SIGLEC6: variants seen among roughly 807,000 people sequenced by gnomAD.
SIGLEC6 encodes sialic acid binding Ig like lectin 6.
SIGLEC6 carries 31 observed loss-of-function variants against 41.4 expected under a neutral mutation model. That is an observed-to-expected ratio of 0.75 (90% confidence interval 0.56 to 1.01). The LOEUF is 1.01. Among genes scored for constraint, SIGLEC6 ranks in the 50% least tolerant of loss-of-function variants. The pLI is 0.00. For missense variants in SIGLEC6, 555 were observed against 558.6 expected (o/e 0.99, Z 0.06); for synonymous variants, 217 against 231.0 (o/e 0.94, Z 0.55).
rs989007163 is a variant in SIGLEC6 at position 51,519,730 on chromosome 19, G to A, written c.*352C>T. The A allele has an allele frequency of 6.4e-6, 1 of 156,326 alleles. No homozygotes were observed. Among genetic ancestry groups the A allele is most frequent in the Non-Finnish European group, 1.4e-5 (1 of 71,006 alleles). 9.7% of individuals were successfully genotyped at this position (156,326 alleles called of 1,614,324 possible). On this transcript the variant is annotated 3_prime_UTR_variant, in exon 8 of 8. Coordinates refer to ENST00000425629, the MANE Select transcript of SIGLEC6 (RefSeq NM_001245.7). Reference sequence around the variant, plus strand: ...AATATCTCAGAAGGTTACTGTATTTGGAGGGTCTTTAAATAGTTAATTTAT... The same window carrying A: ...AATATCTCAGAAGGTTACTGTATTTAGAGGGTCTTTAAATAGTTAATTTAT...
chr19:51,528,112 C>T, intron 6 of SIGLEC6, 48 bp downstream of exon 6: 1 of 1,519,448 alleles, frequency 6.6e-7, no homozygotes, highest in East Asian at 2.2e-5. Flanking sequence ...CACCTGTGTG[C>T]CCTTCCCACA....
Position 51,531,166 on chromosome 19 carries a change from C to T in SIGLEC6, c.421G>A (p.Val141Met). 2 of 1,582,870 alleles carry T rather than the reference C, an allele frequency of 1.3e-6. No homozygotes were observed. Among genetic ancestry groups the T allele is most frequent in the South Asian group, 2.4e-5 (2 of 85,062 alleles). The change falls in exon 2 of 8, where the codon GTG becomes ATG. Residue 141 changes from valine (V) to methionine (M), a missense_variant. Val to Met is a conservative substitution (Grantham distance 21). Coordinates refer to ENST00000425629, the MANE Select transcript of SIGLEC6 (RefSeq NM_001245.7). ...CCTGGAGCTGGTTCCTTACCCATCA[C>T]ACGCACAGAGAGCTTGGAAGATGTA... ...GYTSSKLSVR[V>M]MALTHRPNIS...
intron 3 of SIGLEC6, 55 bp downstream of exon 3, chr19:51,530,626 C>G: frequency 1.2e-6 from 2 of 1,610,964 alleles, no homozygotes; most frequent in Non-Finnish European, 1.7e-6. Context: ...CTGGCTCAGC[C>G]CTGCCCTGTC....
At position 51,519,894 on chromosome 19, in the gene SIGLEC6, G is replaced by C. The variant is rs760321798; in HGVS notation, c.*188C>G. ...GACAGCCATCTACAAGCCAACAAGA[G>C]AGGCCTTAGAAGGGACCAACCCTGA... On this transcript the variant is annotated 3_prime_UTR_variant, in exon 8 of 8. Coordinates refer to ENST00000425629, the MANE Select transcript of SIGLEC6 (RefSeq NM_001245.7). 17 of 377,342 alleles carry C rather than the reference G, an allele frequency of 4.5e-5. No individual in the cohort carries two copies. Among genetic ancestry groups the C allele is most frequent in the South Asian group, 9.2e-5 (1 of 10,872 alleles). The allele number at this position is 377,342 out of a possible 1,614,324, so 23.4% of individuals were successfully genotyped here.
At chr19:51,525,714 G>C (rs565985514) in intron 7 of SIGLEC6, among the ~76,000 whole-genome samples, 1 of 151,312 alleles carries the variant, frequency 6.6e-6, no homozygotes, top group East Asian at 2.0e-4. Flanking sequence ...GCCCAGTCTC[G>C]CTTCCCTGTG....
chr19:51,522,846 A>C (rs1308428672), intron 7 of SIGLEC6, among the ~76,000 whole-genome samples: 1 of 152,084 alleles, frequency 6.6e-6, no homozygotes, highest in Non-Finnish European at 1.5e-5. Context: ...GAAAACTATA[A>C]AGAACTGGGC....
rs1394314727 is a variant in SIGLEC6 at position 51,519,621 on chromosome 19, A to G, written c.*461T>C. 1 of 152,262 alleles carries G rather than the reference A, an allele frequency of 6.6e-6. No individual in the cohort carries two copies. Among genetic ancestry groups the G allele is most frequent in the East Asian group, 1.9e-4 (1 of 5,204 alleles). 9.4% of individuals were successfully genotyped at this position (152,262 alleles called of 1,614,324 possible). A position where few individuals can be genotyped will look rare whatever the true frequency, so the allele number is the denominator to read the frequency against. ...TTTATATAGTCCATTTACAACAAAA[A>G]CATTAATTTTAAAAGAATTGGACAC... On this transcript the variant is annotated 3_prime_UTR_variant, in exon 8 of 8. Coordinates refer to ENST00000425629, the MANE Select transcript of SIGLEC6 (RefSeq NM_001245.7).
At chr19:51,526,983 G>A (rs1979337601) in intron 7 of SIGLEC6, among the ~76,000 whole-genome samples, 1 of 152,094 alleles carries the variant, frequency 6.6e-6, no homozygotes, top group Admixed American at 6.5e-5. Flanking sequence ...AATTAACTCA[G>A]GCAGACAAAA....
At chr19:51,529,675 A>G (rs749508595) in intron 5 of SIGLEC6, 49 bp downstream of exon 5, 8 of 1,609,480 alleles carry the variant, frequency 5.0e-6, no homozygotes, top group Middle Eastern at 1.7e-4. Context: ...AATACTATGG[A>G]GCTCTCGCCC....
chr19:51,521,699 C>T (rs902609387), intron 7 of SIGLEC6, among the ~76,000 whole-genome samples: 1 of 152,090 alleles, frequency 6.6e-6, no homozygotes, highest in East Asian at 1.9e-4. Flanking sequence ...TCCCCCAGCA[C>T]CAATTTTTCC....
In SIGLEC6 at chr19:51,531,413, T is replaced by G. The variant is rs1980364830; in HGVS notation, c.174A>C (p.Pro58=). 10 of 1,614,068 alleles carry G rather than the reference T, an allele frequency of 6.2e-6. No homozygotes were observed. In the East Asian group the frequency reaches 2.2e-4, roughly 36 times the overall value. Residue 58 remains proline (P), a synonymous_variant, in exon 2 of 8, where the codon CCA becomes CCC. Transcript: ENST00000425629. ...AGTAGCCATAACCATAGTACGAGGCTGGAAGGGTAGTGGGCAATCTGCAGG... is the reference window on the plus strand; with the variant it reads ...AGTAGCCATAACCATAGTACGAGGCGGGAAGGGTAGTGGGCAATCTGCAGG... ...LVPCRLPTTL[P]ASYYGYGYWF...
chr19:51,531,587 C>G lies in SIGLEC6; in HGVS notation c.62G>C (p.Trp21Ser). Residue 21 changes from tryptophan (W) to serine (S), a missense_variant, in exon 1 of 8, where the codon TGG becomes TCG. By Grantham distance (177) the Trp-to-Ser change is radical. Coordinates refer to ENST00000425629, the MANE Select transcript of SIGLEC6 (RefSeq NM_001245.7). The part of the protein sequence containing the change: ...EMLPLLLPLL[W>S]AGALAQERRF... Reference sequence around the variant, plus strand: ...CTCTCCCCTGGCCCACTCACCTGCCCACAGCAGGGGCAGCAGCAGCGGTAG... The same window carrying G: ...CTCTCCCCTGGCCCACTCACCTGCCGACAGCAGGGGCAGCAGCAGCGGTAG... 1 of 1,613,864 alleles carries G rather than the reference C, an allele frequency of 6.2e-7. No homozygotes were observed. The highest frequency in any genetic ancestry group is 8.5e-7 in the Non-Finnish European group (1 of 1,179,876).
intron 2 of SIGLEC6, 56 bp from the exon 3 acceptor site, chr19:51,531,015 G>C: frequency 6.3e-7 from 1 of 1,587,654 alleles, no homozygotes; most frequent in Non-Finnish European, 8.5e-7. Context: ...TTCACCCAGG[G>C]GGAAGCCCAG....
chr19:51,525,581 C>T (rs1979081771), intron 7 of SIGLEC6, among the ~76,000 whole-genome samples: 1 of 152,176 alleles, frequency 6.6e-6, no homozygotes, highest in African/African-American at 2.4e-5. Flanking sequence ...GGTCAACCCA[C>T]AGGCTCTTTG....
At chr19:51,522,784 C>T (rs1978504703) in intron 7 of SIGLEC6, among the ~76,000 whole-genome samples, 1 of 152,148 alleles carries the variant, frequency 6.6e-6, no homozygotes, top group Non-Finnish European at 1.5e-5. Context: ...GAGTGAAACC[C>T]TCTCTCAACA....
intron 7 of SIGLEC6, among the ~76,000 whole-genome samples, chr19:51,522,675 C>T (rs190885822): frequency 3.0e-4 from 45 of 151,880 alleles, no homozygotes; most frequent in African/African-American, 9.4e-4. Context: ...CCTGTAGTCC[C>T]GACTACTCGG....
At chr19:51,524,697 G>A (rs757116285) in intron 7 of SIGLEC6, among the ~76,000 whole-genome samples, 6 of 152,098 alleles carry the variant, frequency 3.9e-5, no homozygotes, top group East Asian at 1.9e-4. Flanking sequence ...TTAAAAAATC[G>A]ACTATGGAGT....
intron 7 of SIGLEC6, 51 bp downstream of exon 7, chr19:51,527,696 A>C (rs762963926): frequency 1.8e-5 from 28 of 1,519,038 alleles, no homozygotes; most frequent in Non-Finnish European, 2.6e-5. Context: ...TACTTAGGGC[A>C]GCATTCAAAA....
In SIGLEC6 at chr19:51,529,723, C is replaced by A; in HGVS notation, c.1012+1G>T. ...TCTCGCGCACCTCCCCCCACACTCA[C>A]AATGCACAAAGAGACTCAGAGAGAT... On this transcript the variant is annotated splice_donor_variant, in intron 5 of 7. Coordinates refer to ENST00000425629, the MANE Select transcript of SIGLEC6 (RefSeq NM_001245.7). LOFTEE classifies it high-confidence loss of function. The A allele has an allele frequency of 6.2e-7, 1 of 1,614,046 alleles. No homozygotes were observed. The highest frequency in any genetic ancestry group is 8.5e-7 in the Non-Finnish European group (1 of 1,179,984).
Sources: allele counts gnomAD v4.1 joint callset (sites outside exome capture counted in the v4.1 genomes callset), GRCh38; gene constraint gnomAD v4.1.1; transcripts MANE v1.5; gene names NCBI Gene and HGNC (gene_info 2026-07-23, HGNC 2026-07-21).